The following PCDHGA5 variants were observed in gnomAD, a reference collection of about 807,000 sequenced individuals.
PCDHGA5 encodes the protein protocadherin gamma-A5.
PCDHGA5 carries 36 observed loss-of-function variants against 56.7 expected under a neutral mutation model. The observed-to-expected ratio is 0.64, with a 90% CI of 0.49 to 0.84. The LOEUF (loss-of-function observed/expected upper bound fraction) is 0.84, where lower values mean the gene tolerates loss of function less well. PCDHGA5 is among the 40% of genes least tolerant of loss of function. The probability of loss-of-function intolerance (pLI) is 0.00; values close to 1 mark genes in which losing one functional copy is unlikely to be tolerated. For synonymous variants in PCDHGA5, 563 were observed against 520.2 expected, an observed-to-expected ratio of 1.08 and a Z score of -1.12; for missense variants, 1,305 against 1,201.5, an observed-to-expected ratio of 1.09 and a Z score of -1.27.
intron 1 of PCDHGA5, among the ~76,000 whole-genome samples, chr5:141,436,328 A>G (rs146180035): frequency 6.6e-6 from 1 of 152,326 alleles, no homozygotes; most frequent in East Asian, 1.9e-4. Flanking sequence ...CTGTTAGACC[A>G]TATCTCAAAT....
At chr5:141,478,068 A>T (rs560968418) in intron 1 of PCDHGA5, 1 of 1,614,134 alleles carries the variant, frequency 6.2e-7, no homozygotes, top group East Asian at 2.2e-5. Flanking sequence ...ATCAAAGACA[A>T]TGGGGAGCCT....
chr5:141,472,145 A>C (rs1376068421), intron 1 of PCDHGA5, among the ~76,000 whole-genome samples: 1 of 152,244 alleles, frequency 6.6e-6, no homozygotes, highest in Non-Finnish European at 1.5e-5. Context: ...TAAAAGTTTC[A>C]TGGTTACATA....
At chr5:141,400,789 CTT>C in intron 1 of PCDHGA5, 1 of 561,962 alleles carries the variant, frequency 1.8e-6, no homozygotes, top group Non-Finnish European at 3.1e-6. Flanking sequence ...TTTTTGTCCT[CTT>C]TCTCAAAGCT....
rs1187072972 is a variant in PCDHGA5 at position 141,487,553 on chromosome 5, C to T, written c.2422-7254C>T. 4 of 1,614,050 alleles carry T rather than the reference C, an allele frequency of 2.5e-6. No individual in the cohort carries two copies. The African/African-American group carries it at 4.0e-5, about 16-fold the overall frequency. On this transcript the variant is annotated intron_variant, in intron 1 of 3. Coordinates refer to ENST00000518069, the MANE Select transcript of PCDHGA5 (RefSeq NM_018918.3). The surrounding 1 kb of genome is among the most constrained non-coding windows in gnomAD (Gnocchi z 5.0). ...CATGATGGTGAAGTCACCCAGTGCA[C>T]CTATGGCAGGGGAGCCTGTTCGCCC...
chr5:141,455,494 T>C (rs1223531150), intron 1 of PCDHGA5, among the ~76,000 whole-genome samples: 2 of 152,214 alleles, frequency 1.3e-5, no homozygotes, highest in African/African-American at 4.8e-5. Context: ...AGGTGATGTC[T>C]GATTTGCATA....
chr5:141,375,643 CGACTAT>C, intron 1 of PCDHGA5: 1 of 1,614,210 alleles, frequency 6.2e-7, no homozygotes, highest in Non-Finnish European at 8.5e-7. Context: ...TGCGCTCCTT[CGACTAT>C]GAGCAGTTGA....
rs1436956912 is a variant in PCDHGA5, at chr5:141,438,609, TATATATATATATATATATATATATATAC to T, written c.2422-56196_2422-56169del. Reference sequence around the variant, plus strand: ...ATACATACATATATATATATATATATATATATATATATATATATATATATATACACACACACACACACATATATGTATA... The same window carrying T: ...ATACATACATATATATATATATATATACACACACACACACATATATGTATA... On this transcript the variant is annotated intron_variant, in intron 1 of 3. Coordinates refer to ENST00000518069, the MANE Select transcript of PCDHGA5 (RefSeq NM_018918.3). Among the ~76,000 whole-genome samples the T allele has an allele frequency of 2.2e-3, 92 of 41,082 alleles. 2 individuals are homozygous for T. Among genetic ancestry groups the T allele is most frequent in the East Asian group, 7.4e-3 (6 of 810 alleles). The allele number at this position is 41,082 out of a possible 152,430, so 27.0% of individuals were successfully genotyped here.
At chr5:141,506,444 C>CAAA (rs1219684339) in intron 3 of PCDHGA5, among the ~76,000 whole-genome samples, 2 of 95,018 alleles carry the variant, frequency 2.1e-5, no homozygotes, top group African/African-American at 7.9e-5. Context: ...CGCTCTGTCT[C>CAAA]AAAAAAAAAA....
chr5:141,424,799 A>G (rs552155487), intron 1 of PCDHGA5: 90 of 152,274 alleles, frequency 5.9e-4, no homozygotes, highest in African/African-American at 2.1e-3. Context: ...ATTCAGACCA[A>G]CTTGTTATTG....
At chr5:141,412,948 G>A in intron 1 of PCDHGA5, 1 of 468,334 alleles carries the variant, frequency 2.1e-6, no homozygotes, top group Non-Finnish European at 3.7e-6. Context: ...TCTGAGCGCC[G>A]CTGTTCACCT....
chr5:141,421,557 C>T (rs764010392), intron 1 of PCDHGA5: 1 of 1,613,932 alleles, frequency 6.2e-7, no homozygotes, highest in South Asian at 1.1e-5. Context: ...TGGAACTTCT[C>T]GTGGAAGACA....
chr5:141,411,766 C>A (rs796623075), intron 1 of PCDHGA5: 1 of 152,454 alleles, frequency 6.6e-6, no homozygotes, highest in South Asian at 2.1e-4. Context: ...CCTGTGGTCT[C>A]AGCTACTCTG....
At chr5:141,367,190 T>C (rs1025427411) in intron 1 of PCDHGA5, 2 of 158,754 alleles carry the variant, frequency 1.3e-5, no homozygotes, top group South Asian at 1.8e-4. Flanking sequence ...AAGGAAATAA[T>C]TTACAGTATT....
chr5:141,423,956 A>T, intron 1 of PCDHGA5: 4 of 1,182,724 alleles, frequency 3.4e-6, no homozygotes, highest in Non-Finnish European at 4.2e-6. Context: ...TTTTAGTATT[A>T]TTTTTCTATT....
chr5:141,405,124 G>A (rs1490821452), intron 1 of PCDHGA5: 2 of 1,614,020 alleles, frequency 1.2e-6, no homozygotes, highest in Admixed American at 3.3e-5. Context: ...CCTCGCATCT[G>A]CTGCGGGCTA....
intron 1 of PCDHGA5, among the ~76,000 whole-genome samples, chr5:141,436,884 G>T (rs1041906146): frequency 6.6e-6 from 1 of 152,190 alleles, no homozygotes; most frequent in Non-Finnish European, 1.5e-5. Context: ...AAAAGATGGG[G>T]GAAAGATTTT....
chr5:141,383,085 C>G (rs773972778), intron 1 of PCDHGA5: 15 of 1,613,862 alleles, frequency 9.3e-6, no homozygotes, highest in Non-Finnish European at 1.3e-5. Context: ...TGGCGGAGCG[C>G]GGAGTCCGCA....
chr5:141,478,660 T>C, intron 1 of PCDHGA5: 2 of 1,551,848 alleles, frequency 1.3e-6, no homozygotes, highest in Non-Finnish European at 1.7e-6. Flanking sequence ...TGGTGATGCA[T>C]TCACACTTTC....
intron 1 of PCDHGA5, chr5:141,372,483 GC>G (rs762661083): frequency 1.9e-6 from 3 of 1,614,028 alleles, no homozygotes; most frequent in Non-Finnish European, 2.5e-6. Flanking sequence ...AGTGGCGTTG[GC>G]CTTGATCTCA....
Sources: allele counts gnomAD v4.1 joint callset (sites outside exome capture counted in the v4.1 genomes callset), GRCh38; gene constraint gnomAD v4.1.1; non-coding constraint Gnocchi (gnomAD v3.1); transcripts MANE v1.5; gene names NCBI Gene and HGNC (gene_info 2026-07-23, HGNC 2026-07-21).